COL21A1: variants seen among roughly 807,000 people sequenced by gnomAD.
COL21A1 encodes the protein collagen alpha-1(XXI) chain.
Under a neutral mutation model 137.9 loss-of-function variants are expected in COL21A1, and 149 were observed. That is an observed-to-expected ratio of 1.08 (90% CI 0.95 to 1.24). The LOEUF (loss-of-function observed/expected upper bound fraction) is 1.24. Ranked by LOEUF, COL21A1 falls within the 50% of genes most tolerant of loss-of-function variation. The pLI, the probability that COL21A1 is intolerant of heterozygous loss-of-function variation, is 0.00. For synonymous variants in COL21A1, 456 were observed against 391.5 expected (o/e 1.16, Z -1.95); for missense variants, 1,167 against 1,158.4 (o/e 1.01, Z -0.11).
At chr6:56,326,192 T>C (rs1765087005) in intron 1 of COL21A1, among the ~76,000 whole-genome samples, 2 of 149,100 alleles carry the variant, frequency 1.3e-5, no homozygotes, top group African/African-American at 4.9e-5. Context: ...AAGTTCTTTA[T>C]ACATTTTAAT....
intron 5 of COL21A1, among the ~76,000 whole-genome samples, chr6:56,169,570 T>G (rs62413552): frequency 0.089 from 13,580 of 151,984 alleles, 718 homozygotes; most frequent in African/African-American, 0.14. Flanking sequence ...GAGAGTCACT[T>G]TGCATTCTCT....
At chr6:56,068,917 C>T (rs1766492602) in intron 22 of COL21A1, 129 bp downstream of exon 22, 2 of 658,132 alleles carry the variant, frequency 3.0e-6, no homozygotes, top group Non-Finnish European at 5.3e-6. Context: ...ATACATACAT[C>T]GAATATATAG....
chr6:56,330,183 T>C (rs958320972), intron 1 of COL21A1, among the ~76,000 whole-genome samples: 2 of 152,052 alleles, frequency 1.3e-5, no homozygotes, highest in African/African-American at 2.4e-5. Context: ...ATTCATTTAT[T>C]TAAATATTAA....
At chr6:56,212,143 T>C (rs1440315553) in intron 1 of COL21A1, among the ~76,000 whole-genome samples, 1 of 152,102 alleles carries the variant, frequency 6.6e-6, no homozygotes, top group Non-Finnish European at 1.5e-5. Context: ...AAATTGTATA[T>C]GTAATACAAT....
intron 1 of COL21A1, among the ~76,000 whole-genome samples, chr6:56,333,810 A>G (rs919732569): frequency 6.6e-6 from 1 of 152,106 alleles, no homozygotes; most frequent in African/African-American, 2.4e-5. Context: ...AGCCATTGTA[A>G]TAGATGAGTG....
intron 1 of COL21A1, among the ~76,000 whole-genome samples, chr6:56,192,014 T>C (rs1365927185): frequency 6.6e-6 from 1 of 151,900 alleles, no homozygotes; most frequent in Non-Finnish European, 1.5e-5. Flanking sequence ...TATAGACCAA[T>C]GGAACAGAAC....
At chr6:56,326,550 G>A (rs1031783235) in intron 1 of COL21A1, among the ~76,000 whole-genome samples, 1 of 151,840 alleles carries the variant, frequency 6.6e-6, no homozygotes, top group Non-Finnish European at 1.5e-5. Flanking sequence ...TAATCTACTT[G>A]TAATTCAGTG....
intron 18 of COL21A1, among the ~76,000 whole-genome samples, chr6:56,076,297 C>T (rs560252768): frequency 1.3e-4 from 19 of 151,512 alleles, no homozygotes; most frequent in Middle Eastern, 3.4e-3. Flanking sequence ...TCTTCATTTC[C>T]TAGTTAGGCT....
At chr6:56,227,666 A>T (rs1781294542) in intron 1 of COL21A1, among the ~76,000 whole-genome samples, 1 of 152,074 alleles carries the variant, frequency 6.6e-6, no homozygotes, top group Non-Finnish European at 1.5e-5. Flanking sequence ...TTCATTCCAC[A>T]ATATGCACAG....
chr6:56,265,454 C>T (rs183048266), intron 1 of COL21A1, among the ~76,000 whole-genome samples: 6 of 152,360 alleles, frequency 3.9e-5, no homozygotes, highest in Admixed American at 3.3e-4. Context: ...TGTCCCTTTC[C>T]CGTCCTTCCT....
intron 1 of COL21A1, among the ~76,000 whole-genome samples, chr6:56,392,155 A>C (rs994255558): frequency 1.3e-5 from 2 of 152,218 alleles, no homozygotes; most frequent in Non-Finnish European, 2.9e-5. Context: ...ATCATGATCA[A>C]GTGGGATTCA....
chr6:56,168,170 C>T lies in COL21A1; in HGVS notation c.1154G>A (p.Gly385Glu), dbSNP rs1263082472. ...AGAATATTTTCCAATTTGGGTTTGC[C>T]CATTGATCAAGATCCCTAAAACTGG... ...LHPVLGILIN[G>E]QTQIGKYSGK... Residue 385 changes from glycine to glutamate, a missense_variant, in exon 6 of 30, where the codon GGG becomes GAG. By Grantham distance (98) the Gly-to-Glu change is moderately conservative. Coordinates refer to ENST00000244728, the MANE Select transcript of COL21A1 (RefSeq NM_030820.4). 1.9e-6 allele frequency: 3 copies of T among 1,542,898 alleles called. No individual in the cohort carries two copies. The highest frequency in any genetic ancestry group is 1.4e-5 in the African/African-American group (1 of 73,624).
At chr6:56,174,358 T>C (rs1049001472) in intron 3 of COL21A1, among the ~76,000 whole-genome samples, 5 of 151,432 alleles carry the variant, frequency 3.3e-5, no homozygotes, top group African/African-American at 1.2e-4. Flanking sequence ...AAATAGAAAA[T>C]GGAAAGAAGT....
chr6:56,189,227 G>T (rs760731216), intron 1 of COL21A1, among the ~76,000 whole-genome samples: 22 of 151,900 alleles, frequency 1.4e-4, no homozygotes, highest in Non-Finnish European at 2.9e-4. Flanking sequence ...TTGAAAAAAG[G>T]TTAGATGAAT....
intron 12 of COL21A1, among the ~76,000 whole-genome samples, chr6:56,128,519 G>A (rs749294392): frequency 6.6e-5 from 10 of 152,152 alleles, no homozygotes; most frequent in Non-Finnish European, 1.0e-4. Flanking sequence ...TGTTCTAGAT[G>A]TCAGTAGACT....
At chr6:56,201,039 T>C (rs1470066505) in intron 1 of COL21A1, among the ~76,000 whole-genome samples, 1 of 152,184 alleles carries the variant, frequency 6.6e-6, no homozygotes, top group African/African-American at 2.4e-5. Flanking sequence ...TTGATTTGCA[T>C]TTCTCTGATG....
intron 1 of COL21A1, among the ~76,000 whole-genome samples, chr6:56,266,911 G>A (rs1763406617): frequency 6.6e-6 from 1 of 152,060 alleles, no homozygotes; most frequent in Non-Finnish European, 1.5e-5. Context: ...TATTGACTCA[G>A]TCACATCTAT....
intron 1 of COL21A1, among the ~76,000 whole-genome samples, chr6:56,333,846 A>G (rs908244452): frequency 6.6e-6 from 1 of 152,090 alleles, no homozygotes; most frequent in African/African-American, 2.4e-5. Flanking sequence ...GCTTTAATTT[A>G]CATTTCCTTA....
intron 9 of COL21A1, 98 bp from the exon 10 acceptor site, chr6:56,157,047 GT>G: frequency 3.0e-6 from 2 of 675,098 alleles, no homozygotes; most frequent in African/African-American, 2.1e-5. Context: ...ATTATTTGAG[GT>G]TTTTTGTATG....
Sources: allele counts gnomAD v4.1 joint callset (sites outside exome capture counted in the v4.1 genomes callset), GRCh38; gene constraint gnomAD v4.1.1; transcripts MANE v1.5; gene names NCBI Gene and HGNC (gene_info 2026-07-23, HGNC 2026-07-21).